CDKAL1: variants seen among roughly 807,000 people sequenced by gnomAD.
The protein encoded by CDKAL1 is threonylcarbamoyladenosine tRNA methylthiotransferase.
CDKAL1 carries 32 observed loss-of-function variants against 68.2 expected under a neutral mutation model. The ratio of observed to expected loss-of-function variants is 0.47; its 90% CI spans 0.35 to 0.63. The LOEUF (loss-of-function observed/expected upper bound fraction) is 0.63, where lower values mean the gene tolerates loss of function less well. Among genes scored for constraint, CDKAL1 ranks in the 30% least tolerant of loss-of-function variants. The pLI, the probability that CDKAL1 is intolerant of heterozygous loss-of-function variation, is 0.00. For synonymous variants in CDKAL1, 234 were observed against 244.3 expected (o/e 0.96, Z 0.39); for missense variants, 606 against 696.7 (o/e 0.87, Z 1.47).
chr6:20,851,559 C>T (rs553220351), intron 9 of CDKAL1, among the ~76,000 whole-genome samples: 1 of 152,092 alleles, frequency 6.6e-6, no homozygotes, highest in Admixed American at 6.5e-5. Flanking sequence ...TTGTGGGTTA[C>T]TACTTTTTGG....
intron 5 of CDKAL1, among the ~76,000 whole-genome samples, chr6:20,669,858 C>T (rs1234100876): frequency 6.6e-6 from 1 of 152,096 alleles, no homozygotes; most frequent in Non-Finnish European, 1.5e-5. Flanking sequence ...CTCATTGCTA[C>T]TAGGATGTCA....
At chr6:21,204,743 T>C (rs1172569875) in intron 15 of CDKAL1, among the ~76,000 whole-genome samples, 1 of 152,128 alleles carries the variant, frequency 6.6e-6, no homozygotes, top group Non-Finnish European at 1.5e-5. Flanking sequence ...AGCCAGGATT[T>C]ATATCCCCAC....
chr6:20,837,857 G>GA (rs1454608734), intron 8 of CDKAL1, among the ~76,000 whole-genome samples: 2 of 146,920 alleles, frequency 1.4e-5, no homozygotes, highest in East Asian at 2.0e-4. Context: ...TACCTAAAAA[G>GA]AAAAAACAAA....
chr6:21,116,476 G>A (rs1422182489), intron 13 of CDKAL1, among the ~76,000 whole-genome samples: 1 of 152,172 alleles, frequency 6.6e-6, no homozygotes, highest in Admixed American at 6.5e-5. Context: ...AGGTGAGTAT[G>A]CTAGTAAATT....
intron 13 of CDKAL1, among the ~76,000 whole-genome samples, chr6:21,119,282 GCA>G (rs1489672691): frequency 6.6e-6 from 1 of 152,142 alleles, no homozygotes; most frequent in Non-Finnish European, 1.5e-5. Flanking sequence ...ATAGCATCTA[GCA>G]CACAGTAAGT....
At chr6:21,078,201 C>A (rs867495527) in intron 12 of CDKAL1, among the ~76,000 whole-genome samples, 26 of 152,162 alleles carry the variant, frequency 1.7e-4, no homozygotes, top group African/African-American at 6.0e-4. Context: ...AACTTGTACA[C>A]TATGGAATAT....
intron 13 of CDKAL1, among the ~76,000 whole-genome samples, chr6:21,181,173 G>A (rs1777775271): frequency 6.6e-6 from 1 of 152,214 alleles, no homozygotes; most frequent in African/African-American, 2.4e-5. Flanking sequence ...TCCGGAGATA[G>A]CAACTTTAAT....
chr6:20,624,136 A>AGG (rs1004591413), intron 4 of CDKAL1, among the ~76,000 whole-genome samples: 1 of 152,040 alleles, frequency 6.6e-6, no homozygotes, highest in Non-Finnish European at 1.5e-5. Context: ...ATTTAATTCA[A>AGG]GCAGTTTGTT....
chr6:20,620,642 A>G (rs1767146149), intron 4 of CDKAL1, among the ~76,000 whole-genome samples: 1 of 152,014 alleles, frequency 6.6e-6, no homozygotes, highest in African/African-American at 2.4e-5. Flanking sequence ...AGATGAGAAG[A>G]CTAGCACACT....
At chr6:20,959,756 T>C (rs765201973) in intron 10 of CDKAL1, among the ~76,000 whole-genome samples, 7 of 152,228 alleles carry the variant, frequency 4.6e-5, no homozygotes, top group Admixed American at 2.0e-4. Flanking sequence ...ATTGCTAATG[T>C]AATAACCTTT....
Position 21,061,819 on chromosome 6 carries a change from G to A in CDKAL1, c.1056-3229G>A, listed in dbSNP as rs1215724758. Among the ~76,000 whole-genome samples, 3 of 152,128 alleles carry A rather than the reference G, an allele frequency of 2.0e-5. 1 individual carries two copies. The highest frequency in any genetic ancestry group is 4.4e-5 in the Non-Finnish European group (3 of 67,996). On this transcript the variant is annotated intron_variant, in intron 11 of 15. Transcript: ENST00000274695. ...CCGCCTCATCTCACATTAAAGTGCA[G>A]TCTCTACTTAAAAAACATTTTATAA...
chr6:21,082,874 G>GTTTTTTTTTTTTT (rs71540612), intron 12 of CDKAL1, among the ~76,000 whole-genome samples: 1 of 129,172 alleles, frequency 7.7e-6, no homozygotes, highest in African/African-American at 2.9e-5. Context: ...TGTTTCTTTT[G>GTTTTTTTTTTTTT]TTTTTTTTTT....
chr6:20,713,673 G>A (rs926304890), intron 5 of CDKAL1, among the ~76,000 whole-genome samples: 2 of 152,042 alleles, frequency 1.3e-5, no homozygotes, highest in Non-Finnish European at 2.9e-5. Flanking sequence ...TTTTATGATC[G>A]ATTTTGACTT....
chr6:21,115,625 G>C (rs1009078374), intron 13 of CDKAL1, among the ~76,000 whole-genome samples: 2 of 152,200 alleles, frequency 1.3e-5, no homozygotes, highest in Non-Finnish European at 2.9e-5. Context: ...TAATTTTAGG[G>C]ATGTTGTTAA....
At chr6:21,153,235 CTTTTTTTT>C (rs1162272560) in intron 13 of CDKAL1, among the ~76,000 whole-genome samples, 5 of 96,220 alleles carry the variant, frequency 5.2e-5, no homozygotes, top group East Asian at 3.7e-4. Context: ...TATGTGATTT[CTTTTTTTT>C]TTTTTTTTTT....
At chr6:20,702,655 C>T (rs576822759) in intron 5 of CDKAL1, among the ~76,000 whole-genome samples, 7 of 152,206 alleles carry the variant, frequency 4.6e-5, no homozygotes, top group African/African-American at 1.7e-4. Flanking sequence ...TATCCAGCCA[C>T]CTGTGTTTTC....
At chr6:20,567,579 C>G (rs1478612721) in intron 4 of CDKAL1, among the ~76,000 whole-genome samples, 1 of 152,074 alleles carries the variant, frequency 6.6e-6, no homozygotes, top group Admixed American at 6.6e-5. Flanking sequence ...GGTAGCCAGT[C>G]AGACAGAATG....
At chr6:20,901,248 T>C (rs1233161352) in intron 9 of CDKAL1, among the ~76,000 whole-genome samples, 2 of 152,192 alleles carry the variant, frequency 1.3e-5, no homozygotes, top group Non-Finnish European at 2.9e-5. Flanking sequence ...TCTGTTTTTT[T>C]CCTCTTGGAT....
intron 9 of CDKAL1, among the ~76,000 whole-genome samples, chr6:20,880,544 C>T (rs928987995): frequency 1.3e-5 from 2 of 152,106 alleles, no homozygotes; most frequent in Admixed American, 6.5e-5. Flanking sequence ...CGTGAGCCAC[C>T]GCGCCTGGCC....
Sources: allele counts gnomAD v4.1 joint callset (sites outside exome capture counted in the v4.1 genomes callset), GRCh38; gene constraint gnomAD v4.1.1; transcripts MANE v1.5; gene names NCBI Gene and HGNC (gene_info 2026-07-23, HGNC 2026-07-21).